The following TVP23A variants were observed in gnomAD, a reference collection of about 807,000 sequenced individuals.
TVP23A encodes the protein Golgi apparatus membrane protein TVP23 homolog A.
In TVP23A, 21 loss-of-function variants were observed where a neutral mutation model predicts 31.7. The observed-to-expected ratio is 0.66, with a 90% CI of 0.47 to 0.95. The LOEUF (loss-of-function observed/expected upper bound fraction) is 0.95. Ranked by LOEUF, TVP23A falls within the 40% of genes least tolerant of loss-of-function variation. The pLI, the probability that TVP23A is intolerant of heterozygous loss-of-function variation, is 0.00. For missense variants in TVP23A, 279 were observed against 255.6 expected (o/e 1.09, Z -0.62); for synonymous variants, 104 against 96.0 (o/e 1.08, Z -0.49).
In TVP23A at chr16:10,768,211, A is replaced by C; in HGVS notation, c.*891T>G. On this transcript the variant is annotated 3_prime_UTR_variant, in exon 8 of 8. Coordinates refer to ENST00000299866, the MANE Select transcript of TVP23A (RefSeq NM_001079512.4). This position sits in a 1 kb window ranked among gnomAD's most constrained non-coding sequence, Gnocchi z 4.3. ...TCTCAATGTGTGAGTATTGTGAATT[A>C]ATTCATAGTTTAAAAAACATGGTGA... The C allele has an allele frequency of 2.0e-6, 1 of 500,850 alleles. No homozygotes were observed. The highest frequency in any genetic ancestry group is 3.5e-6 in the Non-Finnish European group (1 of 284,054). 31.0% of individuals were successfully genotyped at this position (500,850 alleles called of 1,614,324 possible). A position where few individuals can be genotyped will look rare whatever the true frequency, so the allele number is the denominator to read the frequency against.
In TVP23A at chr16:10,767,416, C is replaced by G. The variant is rs1252558664; in HGVS notation, c.*1686G>C. ...ATAAAATTATACACAGACAAAGCAG[C>G]AGGCAGAATGTGTGTGTCATGTGCT... On this transcript the variant is annotated 3_prime_UTR_variant, in exon 8 of 8. Coordinates refer to ENST00000299866, the MANE Select transcript of TVP23A (RefSeq NM_001079512.4). The surrounding 1 kb of genome is among the most constrained non-coding windows in gnomAD (Gnocchi z 4.6). 2.5e-6 allele frequency: 1 copy of G among 399,912 alleles called. No individual in the cohort carries two copies. The highest frequency in any genetic ancestry group is 4.4e-5 in the Admixed American group (1 of 22,964). The allele number at this position is 399,912 out of a possible 1,614,324, so 24.8% of individuals were successfully genotyped here.
chr16:10,788,583 A>G (rs554125057), intron 2 of TVP23A, among the ~76,000 whole-genome samples: 1 of 152,334 alleles, frequency 6.6e-6, no homozygotes, highest in Non-Finnish European at 1.5e-5. Flanking sequence ...AAGAGTTCAT[A>G]AAGGTGGGAG....
At chr16:10,806,929 A>G (rs1300714564) in intron 2 of TVP23A, among the ~76,000 whole-genome samples, 2 of 152,236 alleles carry the variant, frequency 1.3e-5, no homozygotes, top group East Asian at 3.8e-4. Flanking sequence ...CCGTGCCCTA[A>G]TCAAAGAGAA....
At chr16:10,761,612 C>A in intron 8 of TVP23A, 1 of 979,922 alleles carries the variant, frequency 1.0e-6, no homozygotes, top group Non-Finnish European at 1.5e-6. Context: ...TCCCTTTCTG[C>A]TGACTAAAGG....
chr16:10,801,635 T>C (rs995368172), intron 2 of TVP23A, among the ~76,000 whole-genome samples: 2 of 152,118 alleles, frequency 1.3e-5, no homozygotes. Context: ...TTTTGTATTT[T>C]AGTAGAGATG....
intron 2 of TVP23A, among the ~76,000 whole-genome samples, chr16:10,788,172 A>C (rs2032881706): frequency 6.6e-6 from 1 of 152,176 alleles, no homozygotes; most frequent in Non-Finnish European, 1.5e-5. Context: ...TCATAGGTAA[A>C]TTCAAAGATT....
rs752084333 is a variant in TVP23A at position 10,774,972 on chromosome 16, G to A, written c.214C>T (p.Leu72=). The A allele has an allele frequency of 6.2e-7, 1 of 1,612,896 alleles. No individual in the cohort carries two copies. The highest frequency in any genetic ancestry group is 8.5e-7 in the Non-Finnish European group (1 of 1,179,442). Residue 72 remains leucine (L), a synonymous_variant, in exon 3 of 8, where the codon CTG becomes TTG. Transcript: ENST00000299866. ...CTCACCTTCACAGACCAGAAGTCCAGGGACAGGAGGAGCAGCACCATGACA... is the reference window on the plus strand; with the variant it reads ...CTCACCTTCACAGACCAGAAGTCCAAGGACAGGAGGAGCAGCACCATGACA... The part of the protein sequence containing the change: ...CFVMVLLLLS[L]DFWSVKNVTG...
downstream of TVP23A, chr16:10,761,768 G>C (rs754401513): frequency 3.5e-5 from 57 of 1,613,474 alleles, no homozygotes; most frequent in Non-Finnish European, 5.1e-6. Flanking sequence ...AAGAATCTCA[G>C]ATATTCCCTC....
Position 10,775,047 on chromosome 16 carries a change from C to T in TVP23A, c.139G>A (p.Val47Ile), listed in dbSNP as rs62000983. 281 of 1,611,818 alleles carry T rather than the reference C, an allele frequency of 1.7e-4. 4 individuals are homozygous for T. The Admixed American group carries it at 2.6e-3, about 15-fold the overall frequency. ...AACCAGTCGCAGCTCACGTAGGTGA[C>T]GATGGCACTCACTCGGAAAAACAGG... ...FHLFFRVSAI[V>I]TYVSCDWFSK... The change falls in exon 3 of 8, where the codon GTC becomes ATC. Residue 47 changes from valine (V) to isoleucine (I), a missense_variant. Physicochemically the swap from Val to Ile is conservative, Grantham distance 29. Coordinates refer to ENST00000299866, the MANE Select transcript of TVP23A (RefSeq NM_001079512.4).
chr16:10,813,953 C>T (rs9888903), intron 2 of TVP23A, among the ~76,000 whole-genome samples: 3,709 of 141,492 alleles, frequency 0.026, 187 homozygotes, highest in African/African-American at 0.092. Flanking sequence ...GAGCCGAGAT[C>T]GCACCACTGC....
intron 2 of TVP23A, among the ~76,000 whole-genome samples, chr16:10,802,256 G>A (rs1047750933): frequency 2.2e-4 from 26 of 116,062 alleles, no homozygotes; most frequent in Non-Finnish European, 4.2e-4. Context: ...GTGTGTGTGT[G>A]TGTGTGTGTG....
chr16:10,767,242 A>AC lies in TVP23A; in HGVS notation c.*1859dup, dbSNP rs1298204021. On this transcript the variant is annotated 3_prime_UTR_variant, in exon 8 of 8. Coordinates refer to ENST00000299866, the MANE Select transcript of TVP23A (RefSeq NM_001079512.4). The surrounding 1 kb of genome is among the most constrained non-coding windows in gnomAD (Gnocchi z 4.6). The stretch of plus-strand genomic sequence containing the variant: ...ACTGGAGGCGAGAACACCCCCATTG[A>AC]CCCCTAGCCCCTTGTGTCCTGTCCA... The AC allele has an allele frequency of 1.0e-5, 4 of 399,560 alleles. No individual in the cohort carries two copies. The highest frequency in any genetic ancestry group is 1.3e-5 in the Non-Finnish European group (3 of 227,124). The allele number at this position is 399,560 out of a possible 1,614,324, so 24.8% of individuals were successfully genotyped here. A position where few individuals can be genotyped will look rare whatever the true frequency, so the allele number is the denominator to read the frequency against.
chr16:10,790,697 T>C (rs1266922724), intron 2 of TVP23A, among the ~76,000 whole-genome samples: 2 of 151,998 alleles, frequency 1.3e-5, no homozygotes, highest in Non-Finnish European at 2.9e-5. Context: ...CTGATGAAAA[T>C]TTATGGTTTG....
intron 2 of TVP23A, among the ~76,000 whole-genome samples, chr16:10,792,677 C>T (rs1319753401): frequency 1.3e-5 from 2 of 152,268 alleles, no homozygotes; most frequent in East Asian, 3.8e-4. Context: ...CCTGCACTAA[C>T]CCAGGGGATG....
At chr16:10,773,940 G>T in intron 4 of TVP23A, 99 bp downstream of exon 4, 2 of 935,818 alleles carry the variant, frequency 2.1e-6, no homozygotes, top group Non-Finnish European at 3.3e-6. Flanking sequence ...TTTTGTGTAA[G>T]GCAGGAATCA....
At chr16:10,763,356 G>C (rs561994388), downstream of TVP23A, among the ~76,000 whole-genome samples, 11 of 152,204 alleles carry the variant, frequency 7.2e-5, no homozygotes, top group African/African-American at 2.7e-4. Flanking sequence ...GTGGTAGGGG[G>C]GTAGGGTGCG....
At chr16:10,771,563 G>T in intron 6 of TVP23A, 107 bp downstream of exon 6, 1 of 1,388,726 alleles carries the variant, frequency 7.2e-7, no homozygotes, top group Non-Finnish European at 1.0e-6. Flanking sequence ...ATAAAACATT[G>T]GCAGCCTGGC....
chr16:10,766,799 C>T lies in TVP23A; in HGVS notation c.*2303G>A, dbSNP rs2030949280. 5 of 397,492 alleles carry T rather than the reference C, an allele frequency of 1.3e-5. No individual in the cohort carries two copies. In the East Asian group the frequency reaches 1.8e-4, roughly 14 times the overall value. 24.6% of individuals were successfully genotyped at this position (397,492 alleles called of 1,614,324 possible). A position where few individuals can be genotyped will look rare whatever the true frequency, so the allele number is the denominator to read the frequency against. ...AGTTTTTGTGTTTAAATACCCTCTACTTGAGGTACGCCCTATATAAACGAA... is the reference window on the plus strand; with the variant it reads ...AGTTTTTGTGTTTAAATACCCTCTATTTGAGGTACGCCCTATATAAACGAA... On this transcript the variant is annotated 3_prime_UTR_variant, in exon 8 of 8. Coordinates refer to ENST00000299866, the MANE Select transcript of TVP23A (RefSeq NM_001079512.4). This position sits in a 1 kb window ranked among gnomAD's most constrained non-coding sequence, Gnocchi z 4.8.
chr16:10,784,518 A>C (rs1228609184), intron 2 of TVP23A, among the ~76,000 whole-genome samples: 4 of 151,958 alleles, frequency 2.6e-5, no homozygotes, highest in Non-Finnish European at 5.9e-5. Flanking sequence ...CCGAGATCAC[A>C]CCAATGCATT....
Sources: allele counts gnomAD v4.1 joint callset (sites outside exome capture counted in the v4.1 genomes callset), GRCh38; gene constraint gnomAD v4.1.1; non-coding constraint Gnocchi (gnomAD v3.1); transcripts MANE v1.5; gene names NCBI Gene and HGNC (gene_info 2026-07-23, HGNC 2026-07-21).